ZGRF1: variants seen among roughly 807,000 people sequenced by gnomAD.
The protein encoded by ZGRF1 is 5'-3' DNA helicase ZGRF1.
Under a neutral mutation model 203.5 loss-of-function variants are expected in ZGRF1, and 196 were observed. That is an observed-to-expected ratio of 0.96 (90% CI 0.86 to 1.08). ZGRF1 has a LOEUF of 1.08. ZGRF1 is among the 50% of genes least tolerant of loss of function. ZGRF1 has a pLI of 0.00. For missense variants in ZGRF1, 2,326 were observed against 2,416.3 expected (o/e 0.96, Z 0.78); for synonymous variants, 809 against 841.3 (o/e 0.96, Z 0.66).
chr4:112,560,604 C>G, intron 19 of ZGRF1, 129 bp downstream of exon 19: 1 of 754,104 alleles, frequency 1.3e-6, no homozygotes, highest in Non-Finnish European at 2.1e-6. Flanking sequence ...AAAGTGGGTA[C>G]AGGTTTAAAA....
At chr4:112,607,063 T>C (rs1389111032) in intron 8 of ZGRF1, among the ~76,000 whole-genome samples, 2 of 152,194 alleles carry the variant, frequency 1.3e-5, no homozygotes, top group Non-Finnish European at 2.9e-5. Flanking sequence ...CACTTATATA[T>C]AAGCACAACT....
In ZGRF1 at chr4:112,548,317, G is replaced by A. The variant is rs78205702; in HGVS notation, c.5410C>T (p.Pro1804Ser). 2,292 of 1,553,448 alleles carry A rather than the reference G, an allele frequency of 1.5e-3. 62 individuals carry two copies. The East Asian group carries it at 0.051, about 35-fold the overall frequency. ...PFPCMNDLKF[P>S]VVVLDECSQI... ...CTACACTCATCCAGCACAACTACAG[G>A]AAATTTAAGATCATTCATGCATGGG... The change falls in exon 23 of 28, where the codon CCT (proline) becomes TCT (serine). Residue 1804 changes from proline to serine, a missense_variant. Coordinates refer to ENST00000505019, the MANE Select transcript of ZGRF1 (RefSeq NM_018392.5).
At chr4:112,631,446 G>A (rs1230079316) in intron 3 of ZGRF1, among the ~76,000 whole-genome samples, 6 of 152,080 alleles carry the variant, frequency 3.9e-5, no homozygotes. Context: ...GAGGCAGGCA[G>A]CTCACCTGAG....
At chr4:112,552,267 A>C (rs983469494) in intron 22 of ZGRF1, among the ~76,000 whole-genome samples, 3 of 150,330 alleles carry the variant, frequency 2.0e-5, no homozygotes, top group Non-Finnish European at 4.4e-5. Context: ...ACAGAGCGAG[A>C]CTCTGGCTCA....
In ZGRF1 at chr4:112,540,898, T is replaced by G; in HGVS notation, c.5833A>C (p.Ile1945Leu). Residue 1945 changes from isoleucine to leucine, a missense_variant, in exon 26 of 28, where the codon ATT becomes CTT. Physicochemically the swap from Ile to Leu is conservative, Grantham distance 5. Transcript: ENST00000505019. ...ATTCCACTTGCAATCAGTGATTGAATCAGCTTGAGTGTAAACGTAGCTTCT... is the reference window on the plus strand; with the variant it reads ...ATTCCACTTGCAATCAGTGATTGAAGCAGCTTGAGTGTAAACGTAGCTTCT... ...VAEATFTLKL[I>L]QSLIASGIAG... 8.2e-6 allele frequency: 13 copies of G among 1,585,292 alleles called. No individual in the cohort carries two copies. The highest frequency in any genetic ancestry group is 1.1e-5 in the Non-Finnish European group (13 of 1,164,036).
chr4:112,575,967 G>A (rs1745130037), intron 16 of ZGRF1, among the ~76,000 whole-genome samples: 1 of 152,340 alleles, frequency 6.6e-6, no homozygotes, highest in African/African-American at 2.4e-5. Context: ...TCTGAGAATG[G>A]ACAGACTGCA....
At chr4:112,632,091 C>T (rs574715812) in intron 2 of ZGRF1, 81 bp from the exon 3 acceptor site, 2 of 588,480 alleles carry the variant, frequency 3.4e-6, no homozygotes, top group Non-Finnish European at 5.2e-6. Flanking sequence ...TTCCTACATA[C>T]AAAATATATT....
chr4:112,601,527 T>A (rs1402333449), intron 10 of ZGRF1, among the ~76,000 whole-genome samples: 1 of 149,296 alleles, frequency 6.7e-6, no homozygotes, highest in Non-Finnish European at 1.5e-5. Context: ...TGAGCTGAGA[T>A]CACGCCACTG....
chr4:112,595,409 T>C (rs1374859561), intron 10 of ZGRF1, among the ~76,000 whole-genome samples: 2 of 152,180 alleles, frequency 1.3e-5, no homozygotes, highest in Non-Finnish European at 2.9e-5. Context: ...AACAAAGCAG[T>C]GTAATATACA....
chr4:112,570,972 T>A (rs374596885), intron 16 of ZGRF1, among the ~76,000 whole-genome samples: 1 of 151,882 alleles, frequency 6.6e-6, no homozygotes, highest in South Asian at 2.1e-4. Context: ...GGTGTGGTGG[T>A]AGGTGCCTGT....
intron 16 of ZGRF1, among the ~76,000 whole-genome samples, chr4:112,573,074 A>G (rs1560783708): frequency 6.6e-6 from 1 of 151,994 alleles, no homozygotes; most frequent in Non-Finnish European, 1.5e-5. Flanking sequence ...CAAAAAAGAT[A>G]CTTACACGTT....
At chr4:112,567,266 T>C (rs1463813250) in intron 16 of ZGRF1, among the ~76,000 whole-genome samples, 2 of 151,772 alleles carry the variant, frequency 1.3e-5, no homozygotes, top group East Asian at 3.9e-4. Flanking sequence ...TTCCCCAACA[T>C]ATACTGCCAG....
At chr4:112,592,096 C>CTTTTTTTTTT (rs961223953) in intron 10 of ZGRF1, among the ~76,000 whole-genome samples, 1 of 128,570 alleles carries the variant, frequency 7.8e-6, no homozygotes. Flanking sequence ...CTCATTCATT[C>CTTTTTTTTTT]TTTTTTTTTT....
chr4:112,542,777 C>T (rs562317454), intron 24 of ZGRF1, among the ~76,000 whole-genome samples: 96 of 146,680 alleles, frequency 6.5e-4, no homozygotes, highest in African/African-American at 2.2e-3. Context: ...TCTTTCTTTC[C>T]TTCCTTCCTT....
At position 112,618,509 on chromosome 4, in the gene ZGRF1, T is replaced by C. The variant is rs761720004; in HGVS notation, c.1533A>G (p.Glu511=). The C allele has an allele frequency of 6.2e-7, 1 of 1,612,836 alleles. No individual in the cohort carries two copies. Among genetic ancestry groups the C allele is most frequent in the Non-Finnish European group, 8.5e-7 (1 of 1,179,332 alleles). ...GAGATTCATGAATACTATTAAGACTTTCATTATCCATTTTACTTTCAGAAA... is the reference window on the plus strand; with the variant it reads ...GAGATTCATGAATACTATTAAGACTCTCATTATCCATTTTACTTTCAGAAA... ...DMISESKMDN[E]SLNSIHESLS... is the part of the protein sequence containing the mutation. Residue 511 remains glutamate (E), a synonymous_variant, in exon 6 of 28, where the codon GAA becomes GAG. Coordinates refer to ENST00000505019, the MANE Select transcript of ZGRF1 (RefSeq NM_018392.5).
chr4:112,549,963 C>T (rs1263127293), intron 22 of ZGRF1, among the ~76,000 whole-genome samples: 3 of 151,888 alleles, frequency 2.0e-5, no homozygotes, highest in Non-Finnish European at 2.9e-5. Context: ...GAGGCTGAGG[C>T]GGGCAGATCA....
chr4:112,624,314 C>T (rs949781548), intron 3 of ZGRF1, among the ~76,000 whole-genome samples: 1 of 151,928 alleles, frequency 6.6e-6, no homozygotes, highest in African/African-American at 2.4e-5. Flanking sequence ...TCTAGACCAG[C>T]CTGGCCAACA....
At chr4:112,596,247 G>C (rs2149064618) in intron 10 of ZGRF1, among the ~76,000 whole-genome samples, 1 of 152,192 alleles carries the variant, frequency 6.6e-6, no homozygotes, top group African/African-American at 2.4e-5. Flanking sequence ...AGAAGATGGG[G>C]AATAGTATAG....
intron 10 of ZGRF1, among the ~76,000 whole-genome samples, chr4:112,590,473 A>G (rs11938673): frequency 1.6e-3 from 250 of 152,336 alleles, no homozygotes; most frequent in African/African-American, 5.9e-3. Flanking sequence ...TAAGCACAGA[A>G]TAAAAGAATA....
Sources: gnomAD v4.1 joint callset for allele counts (sites outside exome capture counted in the v4.1 genomes callset) on GRCh38, gnomAD v4.1.1 for gene constraint, MANE v1.5 for transcripts, NCBI Gene and HGNC (gene_info 2026-07-23, HGNC 2026-07-21) for gene names.